Variants in PAPOLG observed in about 807,000 individuals in gnomAD.
PAPOLG encodes poly(A) polymerase gamma.
In PAPOLG, 40 loss-of-function variants were observed where a neutral mutation model predicts 99.0. The ratio of observed to expected loss-of-function variants is 0.40; its 90% CI spans 0.31 to 0.53. The LOEUF is 0.53. PAPOLG is among the 20% of genes least tolerant of loss of function. PAPOLG has a pLI of 0.41. For synonymous variants in PAPOLG, 310 were observed against 299.3 expected (o/e 1.04, Z -0.37); for missense variants, 675 against 884.1 (o/e 0.76, Z 3.00).
In PAPOLG at chr2:60,787,542, A is replaced by C. The variant is rs892570745; in HGVS notation, c.1318A>C (p.Ile440Leu). 7 of 1,614,070 alleles carry C rather than the reference A, an allele frequency of 4.3e-6. No homozygotes were observed. Among genetic ancestry groups the C allele is most frequent in the Non-Finnish European group, 5.9e-6 (7 of 1,179,994 alleles). The change falls in exon 15 of 22, where the codon ATA (isoleucine) becomes CTA (leucine). Residue 440 changes from isoleucine (I) to leucine (L), a missense_variant. By Grantham distance (5) the Ile-to-Leu change is conservative (BLOSUM62 2). Around this residue, in one of 3 missense-constraint regions of PAPOLG, gnomAD observed 413 missense variants for 460.5 expected, o/e 0.90. Coordinates refer to ENST00000238714, the MANE Select transcript of PAPOLG (RefSeq NM_022894.4). ...NNYVSMWFLG[I>L]IFRRVENAES... ...TTACGTATCAATGTGGTTCCTTGGG[A>C]TAATTTTTCGGAGAGTAGAAAATGC...
At chr2:60,758,267 T>C (rs1178074367) in intron 1 of PAPOLG, among the ~76,000 whole-genome samples, 1 of 151,896 alleles carries the variant, frequency 6.6e-6, no homozygotes, top group Non-Finnish European at 1.5e-5. Flanking sequence ...AATTGAAGTT[T>C]TGTTTGTTCT....
intron 3 of PAPOLG, among the ~76,000 whole-genome samples, chr2:60,767,081 G>A (rs1266423084): frequency 4.6e-5 from 7 of 152,166 alleles, no homozygotes; most frequent in Non-Finnish European, 7.3e-5. Flanking sequence ...GGGAGTAGTC[G>A]TTGAATAGAA....
chr2:60,800,148 C>A lies in PAPOLG; in HGVS notation c.*2988C>A, dbSNP rs2103839156. ...CAAGATAGAGGTACATGGCTTAAAA[C>A]TTTGTAAAACTGGGACAGGAGAATT... On this transcript the variant is annotated 3_prime_UTR_variant, in exon 22 of 22. Transcript: ENST00000238714. 6.6e-6 allele frequency: 1 copy of A among 152,302 alleles called. No homozygotes were observed. The highest frequency in any genetic ancestry group is 1.5e-5 in the Non-Finnish European group (1 of 67,986). 9.4% of individuals were successfully genotyped at this position (152,302 alleles called of 1,614,324 possible). A position where few individuals can be genotyped will look rare whatever the true frequency, so the allele number is the denominator to read the frequency against.
chr2:60,768,865 A>G lies in PAPOLG; in HGVS notation c.413A>G (p.His138Arg), dbSNP rs369345813. 3 of 1,598,010 alleles carry G rather than the reference A, an allele frequency of 1.9e-6. No homozygotes were observed. The highest frequency in any genetic ancestry group is 1.3e-5 in the African/African-American group (1 of 74,418). Reference sequence around the variant, plus strand: ...CAGTCTTTTTTTGAAAAATTGAAACATCAAGATGGCATTAGAAACTTAAGA... The same window carrying G: ...CAGTCTTTTTTTGAAAAATTGAAACGTCAAGATGGCATTAGAAACTTAAGA... ...FFQSFFEKLKHQDGIRNLRAV... is the reference protein window; with the variant it reads ...FFQSFFEKLKRQDGIRNLRAV... The change falls in exon 5 of 22, where the codon CAT becomes CGT. Residue 138 changes from histidine to arginine, a missense_variant. His to Arg is a conservative substitution (Grantham distance 29). Coordinates refer to ENST00000238714, the MANE Select transcript of PAPOLG (RefSeq NM_022894.4).
intron 16 of PAPOLG, 115 bp downstream of exon 16, chr2:60,791,997 G>A (rs750902223): frequency 1.9e-4 from 280 of 1,459,082 alleles, no homozygotes; most frequent in Non-Finnish European, 2.5e-4. Flanking sequence ...GATATAGGCA[G>A]TTCAATCTAG....
chr2:60,791,927 A>G, intron 16 of PAPOLG, 45 bp downstream of exon 16: 1 of 1,587,774 alleles, frequency 6.3e-7, no homozygotes, highest in Non-Finnish European at 8.5e-7. Context: ...TACTCAGACA[A>G]ATGATCTGGG....
chr2:60,768,670 A>AT, intron 4 of PAPOLG, 111 bp from the exon 5 acceptor site: 1 of 1,337,600 alleles, frequency 7.5e-7, no homozygotes, highest in Non-Finnish European at 1.0e-6. Flanking sequence ...CATTGTTAAC[A>AT]TTTTCTTGTA....
At chr2:60,771,494 T>C (rs754116595) in intron 6 of PAPOLG, 25 bp from the exon 7 acceptor site, 1 of 1,564,562 alleles carries the variant, frequency 6.4e-7, no homozygotes, top group Non-Finnish European at 8.6e-7. Flanking sequence ...GTAATTTTTT[T>C]CTCTTTTTTC....
At position 60,792,328 on chromosome 2, in the gene PAPOLG, T is replaced by C. The variant is rs571955738; in HGVS notation, c.1679+39T>C. Reference sequence around the variant, plus strand: ...TCAAATGTGTCCTTTTGGTTTTCTGTTCAGTTTATTTGAGGATAATGTGAA... The same window carrying C: ...TCAAATGTGTCCTTTTGGTTTTCTGCTCAGTTTATTTGAGGATAATGTGAA... On this transcript the variant is annotated intron_variant, in intron 17 of 21. Coordinates refer to ENST00000238714, the MANE Select transcript of PAPOLG (RefSeq NM_022894.4). 31 of 1,533,924 alleles carry C rather than the reference T, an allele frequency of 2.0e-5. No individual in the cohort carries two copies. In the South Asian group the frequency reaches 3.6e-4, roughly 18 times the overall value.
At chr2:60,783,232 T>G in intron 13 of PAPOLG, 23 bp downstream of exon 13, 1 of 1,469,286 alleles carries the variant, frequency 6.8e-7, no homozygotes, top group Non-Finnish European at 9.3e-7. Flanking sequence ...TTTCAAGTTT[T>G]CTACCTACTG....
intron 21 of PAPOLG, among the ~76,000 whole-genome samples, chr2:60,795,656 TTATAAA>T (rs138494207): frequency 0.019 from 2,816 of 150,844 alleles, 36 homozygotes; most frequent in Non-Finnish European, 0.029. Context: ...TGATAAATAA[TTATAAA>T]TATATATGAT....
rs867030854 is a variant in PAPOLG, at chr2:60,798,200, G to A, written c.*1040G>A. On this transcript the variant is annotated 3_prime_UTR_variant, in exon 22 of 22. Transcript: ENST00000238714. ...ATTGAAACCTAAAGGCATTTTGAATGACATTGTTACCAACCATTAATTGGC... is the reference window on the plus strand; with the variant it reads ...ATTGAAACCTAAAGGCATTTTGAATAACATTGTTACCAACCATTAATTGGC... The A allele has an allele frequency of 3.3e-5, 5 of 152,746 alleles. No homozygotes were observed. Among genetic ancestry groups the A allele is most frequent in the Non-Finnish European group, 7.3e-5 (5 of 68,034 alleles). The allele number at this position is 152,746 out of a possible 1,614,324, so 9.5% of individuals were successfully genotyped here.
At chr2:60,765,941 C>G (rs1287424808) in intron 3 of PAPOLG, among the ~76,000 whole-genome samples, 1 of 151,878 alleles carries the variant, frequency 6.6e-6, no homozygotes, top group Non-Finnish European at 1.5e-5. Flanking sequence ...TAACAAGACT[C>G]TGTCTCTTTA....
At chr2:60,785,707 T>TA (rs56110428) in intron 13 of PAPOLG, among the ~76,000 whole-genome samples, 1 of 150,794 alleles carries the variant, frequency 6.6e-6, no homozygotes, top group Non-Finnish European at 1.5e-5. Context: ...TTTTTTTTTT[T>TA]ATCTTATAGG....
intron 13 of PAPOLG, among the ~76,000 whole-genome samples, chr2:60,784,461 T>TCTACTATATTCA (rs1346886210): frequency 5.1e-4 from 78 of 152,350 alleles, no homozygotes; most frequent in African/African-American, 1.8e-3. Flanking sequence ...CCCTTCTGCC[T>TCTACTATATTCA]CTACTATATT....
At position 60,787,622 on chromosome 2, in the gene PAPOLG, TA is replaced by T; in HGVS notation, c.1396+4del. ...ATATACAGTCATTTACTGATACAGG[TA>T]AGACTCCATCATCATAGAGCTGTGA... On this transcript the variant is annotated splice_donor_region_variant and intron_variant, in intron 15 of 21. Transcript: ENST00000238714. 1 of 1,612,430 alleles carries T rather than the reference TA, an allele frequency of 6.2e-7. No individual in the cohort carries two copies. Among genetic ancestry groups the T allele is most frequent in the Non-Finnish European group, 8.5e-7 (1 of 1,179,252 alleles).
At chr2:60,770,363 A>G in intron 5 of PAPOLG, 95 bp from the exon 6 acceptor site, 2 of 1,046,484 alleles carry the variant, frequency 1.9e-6, no homozygotes, top group Non-Finnish European at 2.7e-6. Context: ...TGGTTAAAAT[A>G]CAAATCGGGA....
rs760066484 is a variant in PAPOLG, at chr2:60,792,283, C to A, written c.1673C>A (p.Thr558Lys). The change falls in exon 17 of 22, where the codon ACA becomes AAA. Residue 558 changes from threonine (T) to lysine (K), a missense_variant. Coordinates refer to ENST00000238714, the MANE Select transcript of PAPOLG (RefSeq NM_022894.4). Reference sequence around the variant, plus strand: ...TCTGATAGCCCTTCTGTAGGAGAAACAGAAAGGTCTGTCTTTATTTCAAAT... The same window carrying A: ...TCTGATAGCCCTTCTGTAGGAGAAAAAGAAAGGTCTGTCTTTATTTCAAAT... ...SKSDSPSVGE[T>K]ERNSAEPAAV... The A allele has an allele frequency of 6.3e-7, 1 of 1,599,168 alleles. No individual in the cohort carries two copies.
At chr2:60,761,845 A>G (rs376824775) in intron 3 of PAPOLG, 38 bp downstream of exon 3, 2 of 1,427,018 alleles carry the variant, frequency 1.4e-6, no homozygotes, top group Non-Finnish European at 2.0e-6. Context: ...TGTTTTTATT[A>G]TATCTTGGCC....
Sources: allele counts gnomAD v4.1 joint callset (sites outside exome capture counted in the v4.1 genomes callset), GRCh38; gene constraint gnomAD v4.1.1; regional missense constraint gnomAD v4.1.1; transcripts MANE v1.5; gene names NCBI Gene and HGNC (gene_info 2026-07-23, HGNC 2026-07-21).